PATJ: variants seen among roughly 807,000 people sequenced by gnomAD.
The protein encoded by PATJ is inaD-like protein.
Under a neutral mutation model 224.9 loss-of-function variants are expected in PATJ, and 190 were observed. The observed-to-expected ratio is 0.84, with a 90% confidence interval of 0.75 to 0.95. PATJ has a LOEUF of 0.95. PATJ is among the 40% of genes least tolerant of loss of function. The probability of loss-of-function intolerance (pLI) is 0.00; values close to 1 mark genes in which losing one functional copy is unlikely to be tolerated. For synonymous variants in PATJ, 769 were observed against 820.3 expected, an observed-to-expected ratio of 0.94 and a Z score of 1.07; for missense variants, 2,121 against 2,270.3, an observed-to-expected ratio of 0.93 and a Z score of 1.34.
intron 26 of PATJ, among the ~76,000 whole-genome samples, chr1:61,921,956 CA>C (rs1260213476): frequency 6.6e-6 from 1 of 151,870 alleles, no homozygotes; most frequent in Non-Finnish European, 1.5e-5. Flanking sequence ...CTGTTAAAGA[CA>C]AAAAAAATTC....
intron 41 of PATJ, among the ~76,000 whole-genome samples, chr1:62,135,716 G>A (rs1241995857): frequency 1.3e-5 from 2 of 152,144 alleles, no homozygotes; most frequent in Non-Finnish European, 2.9e-5. Context: ...CTAAAACAGG[G>A]ACTGTGGAGC....
intron 27 of PATJ, among the ~76,000 whole-genome samples, chr1:61,982,317 A>T (rs532656452): frequency 6.6e-6 from 1 of 152,138 alleles, no homozygotes; most frequent in African/African-American, 2.4e-5. Flanking sequence ...ATCTAAGGAG[A>T]TAGGCCTGGG....
At chr1:61,941,960 A>C (rs1417816433) in intron 27 of PATJ, among the ~76,000 whole-genome samples, 1 of 152,194 alleles carries the variant, frequency 6.6e-6, no homozygotes, top group Non-Finnish European at 1.5e-5. Flanking sequence ...TATTGCCATT[A>C]ATAAATACAG....
intron 43 of PATJ, among the ~76,000 whole-genome samples, chr1:62,158,976 C>A (rs973020688): frequency 1.1e-4 from 17 of 152,010 alleles, no homozygotes; most frequent in African/African-American, 4.1e-4. Context: ...TCTTTCCTTG[C>A]ATTACTAAAA....
At chr1:61,946,360 T>C (rs1478999927) in intron 27 of PATJ, among the ~76,000 whole-genome samples, 1 of 151,644 alleles carries the variant, frequency 6.6e-6, no homozygotes, top group African/African-American at 2.4e-5. Context: ...ATCAAAGAGA[T>C]GCAATAAAAA....
At chr1:61,807,387 G>T (rs1373510367) in intron 13 of PATJ, among the ~76,000 whole-genome samples, 1 of 152,020 alleles carries the variant, frequency 6.6e-6, no homozygotes, top group Non-Finnish European at 1.5e-5. Flanking sequence ...GTGTTGCCCA[G>T]TCTGGTCTCG....
Position 61,856,031 on chromosome 1 carries a change from A to T in PATJ, c.2114A>T (p.Asp705Val), listed in dbSNP as rs754164763. Residue 705 changes from aspartate to valine, a missense_variant and splice_region_variant, in exon 18 of 44, where the codon GAC (aspartate) becomes GTC (valine). Coordinates refer to ENST00000642238, the MANE Select transcript of PATJ (RefSeq NM_001350145.3). ...GLGFSILDYQ[D>V]PLDPTRSVIV... ...CCTTCTTCTTTGCTCGATTCACAGG[A>T]CCCTTTAGATCCTACAAGATCAGTG... is the stretch of plus-strand genomic sequence containing the variant. 1.2e-5 allele frequency: 20 copies of T among 1,613,012 alleles called. No individual in the cohort carries two copies. The South Asian group carries it at 2.2e-4, about 18-fold the overall frequency.
intron 22 of PATJ, among the ~76,000 whole-genome samples, chr1:61,885,022 C>T (rs187263541): frequency 1.6e-4 from 25 of 152,224 alleles, no homozygotes; most frequent in African/African-American, 5.5e-4. Context: ...CAAGATTAAG[C>T]GTAGGTGAAA....
chr1:62,153,500 T>C lies in PATJ; in HGVS notation c.5502+19T>C, dbSNP rs565390230. 222 of 1,228,598 alleles carry C rather than the reference T, an allele frequency of 1.8e-4. No homozygotes were observed. Among genetic ancestry groups the C allele is most frequent in the Non-Finnish European group, 2.2e-4 (216 of 984,878 alleles). 76.1% of individuals were successfully genotyped at this position (1,228,598 alleles called of 1,614,324 possible). A position where few individuals can be genotyped will look rare whatever the true frequency, so the allele number is the denominator to read the frequency against. On this transcript the variant is annotated intron_variant, in intron 43 of 43. Coordinates refer to ENST00000642238, the MANE Select transcript of PATJ (RefSeq NM_001350145.3). ...TGCAAAGGTATATCTTCTTTTTTAA[T>C]GTACTTTTTTAAAAAAATTAAACCT...
intron 30 of PATJ, among the ~76,000 whole-genome samples, chr1:62,045,773 G>A (rs1023535297): frequency 2.6e-5 from 4 of 152,128 alleles, no homozygotes; most frequent in Non-Finnish European, 4.4e-5. Context: ...TAATTCACTC[G>A]TGCCTTAGAA....
chr1:62,140,059 C>G (rs1667345058), intron 41 of PATJ, among the ~76,000 whole-genome samples: 1 of 152,110 alleles, frequency 6.6e-6, no homozygotes, highest in African/African-American at 2.4e-5. Context: ...CTTGCCCAGC[C>G]TAAAGTCATT....
At chr1:61,787,688 G>T in intron 7 of PATJ, 66 bp from the exon 8 acceptor site, 1 of 1,236,744 alleles carries the variant, frequency 8.1e-7, no homozygotes, top group South Asian at 1.3e-5. Flanking sequence ...AAAGTCTGAT[G>T]AATTGTTATT....
At chr1:62,135,573 C>A (rs1666756685) in intron 41 of PATJ, among the ~76,000 whole-genome samples, 2 of 148,950 alleles carry the variant, frequency 1.3e-5, no homozygotes, top group South Asian at 4.3e-4. Context: ...TGATAAACTG[C>A]AGGAAAAGGA....
chr1:61,853,247 T>C (rs962116743), intron 17 of PATJ, among the ~76,000 whole-genome samples: 1 of 152,220 alleles, frequency 6.6e-6, no homozygotes, highest in Non-Finnish European at 1.5e-5. Flanking sequence ...TCTATTTCCA[T>C]TTCCTTCTGG....
chr1:62,152,502 C>T (rs796467152), intron 42 of PATJ, among the ~76,000 whole-genome samples: 48 of 151,350 alleles, frequency 3.2e-4, no homozygotes, highest in African/African-American at 1.1e-3. Flanking sequence ...AAATACAAAA[C>T]TTAGCTGGGC....
rs1165441613 is a variant in PATJ at position 61,828,277 on chromosome 1, T to G, written c.1980+694T>G. 2.0e-5 allele frequency among the ~76,000 whole-genome samples: 3 copies of G among 151,876 alleles called. No homozygotes were observed. The East Asian group carries it at 5.8e-4, about 29-fold the overall frequency. On this transcript the variant is annotated intron_variant, in intron 16 of 43. Transcript: ENST00000642238. ...AAAAAAAGAAACTCTATGATAAATT[T>G]CAAAGTGAGTCTGGAAATTGCCATA...
At chr1:62,061,306 C>T (rs187837948) in intron 31 of PATJ, among the ~76,000 whole-genome samples, 16 of 152,030 alleles carry the variant, frequency 1.1e-4, no homozygotes, top group African/African-American at 3.1e-4. Context: ...CTCAGCCTCC[C>T]GAGTAGCTGG....
chr1:61,892,680 A>G (rs151177074), intron 22 of PATJ, among the ~76,000 whole-genome samples: 3 of 152,328 alleles, frequency 2.0e-5, no homozygotes, highest in Non-Finnish European at 4.4e-5. Context: ...TCTTTAAAGC[A>G]GTATTTGGTT....
intron 27 of PATJ, among the ~76,000 whole-genome samples, chr1:61,973,461 GT>G (rs2149472690): frequency 6.6e-6 from 1 of 152,100 alleles, no homozygotes. Context: ...CAAATAACAT[GT>G]TTTAACCCTT....
Sources: gnomAD v4.1 joint callset for allele counts (sites outside exome capture counted in the v4.1 genomes callset) on GRCh38, gnomAD v4.1.1 for gene constraint, MANE v1.5 for transcripts, NCBI Gene and HGNC (gene_info 2026-07-23, HGNC 2026-07-21) for gene names.